The following LARP4B variants were observed in gnomAD, a reference collection of about 807,000 sequenced individuals.
LARP4B encodes the protein La ribonucleoprotein 4B, also known as la-related protein 4B.
LARP4B carries 12 observed loss-of-function variants against 89.8 expected under a neutral mutation model. That is an observed-to-expected ratio of 0.13 (90% CI 0.09 to 0.22). The LOEUF (loss-of-function observed/expected upper bound fraction) is 0.22. Among genes scored for constraint, LARP4B ranks in the 10% least tolerant of loss-of-function variants. LARP4B has a pLI of 1.00. For synonymous variants in LARP4B, 367 were observed against 363.3 expected (o/e 1.01, Z -0.12); for missense variants, 757 against 947.7 (o/e 0.80, Z 2.64).
intron 5 of LARP4B, among the ~76,000 whole-genome samples, chr10:862,708 C>T (rs1382937841): frequency 2.6e-5 from 4 of 151,696 alleles, no homozygotes; most frequent in Admixed American, 6.6e-5. Context: ...TGCAGTGAGC[C>T]GATGTCTCAC....
the LARP4B span, among the ~76,000 whole-genome samples, chr10:980,575 T>A: frequency 2.6e-5 from 4 of 152,146 alleles, no homozygotes; most frequent in Non-Finnish European, 4.4e-5. Flanking sequence ...ACGGTTATGT[T>A]CTCCAAAGTG....
At chr10:928,074 TAGCC>T (rs1318652951) in intron 1 of LARP4B, among the ~76,000 whole-genome samples, 1 of 150,418 alleles carries the variant, frequency 6.6e-6, no homozygotes, top group Non-Finnish European at 1.5e-5. Flanking sequence ...AAAAAAAAAT[TAGCC>T]AGGTGTGGTG....
chr10:834,676 C>T (rs1833099602), intron 8 of LARP4B, among the ~76,000 whole-genome samples: 1 of 152,100 alleles, frequency 6.6e-6, no homozygotes, highest in South Asian at 2.1e-4. Context: ...TCAAGTTTTA[C>T]AAAAGACATA....
the LARP4B span, among the ~76,000 whole-genome samples, chr10:938,252 C>CTTT: frequency 8.1e-6 from 1 of 123,450 alleles, no homozygotes; most frequent in Non-Finnish European, 1.7e-5. Flanking sequence ...GGTTCTTTTT[C>CTTT]TTTTTTTTTT....
intron 5 of LARP4B, among the ~76,000 whole-genome samples, chr10:862,916 CA>C (rs1344456238): frequency 1.3e-5 from 2 of 151,788 alleles, no homozygotes; most frequent in Non-Finnish European, 2.9e-5. Flanking sequence ...TACATGAGAA[CA>C]ACAGAGATTC....
At chr10:983,529 T>A in the LARP4B span, among the ~76,000 whole-genome samples, 1 of 152,192 alleles carries the variant, frequency 6.6e-6, no homozygotes, top group Non-Finnish European at 1.5e-5. Context: ...TCTTCCTGGC[T>A]TGTGGAAAGC....
chr10:940,012 A>ATT, the LARP4B span, among the ~76,000 whole-genome samples: 11 of 118,794 alleles, frequency 9.3e-5, no homozygotes, highest in Non-Finnish European at 1.4e-4. Context: ...CGCCCGGCTA[A>ATT]TTTTTTTTTT....
At chr10:919,446 C>G (rs1219511158) in intron 1 of LARP4B, among the ~76,000 whole-genome samples, 2 of 151,642 alleles carry the variant, frequency 1.3e-5, no homozygotes, top group African/African-American at 2.4e-5. Flanking sequence ...AAACTGTCAC[C>G]AAGACTCAGT....
chr10:831,727 G>T (rs555970320), intron 8 of LARP4B, among the ~76,000 whole-genome samples: 6 of 152,326 alleles, frequency 3.9e-5, no homozygotes, highest in African/African-American at 1.4e-4. Flanking sequence ...TAGAGAAAAG[G>T]CTGCTCTGAT....
At chr10:973,334 C>T in the LARP4B span, among the ~76,000 whole-genome samples, 4 of 151,854 alleles carry the variant, frequency 2.6e-5, no homozygotes, top group East Asian at 1.9e-4. Flanking sequence ...CTTAAAAATC[C>T]GAACGTGATC....
rs143425333 is a variant in LARP4B at position 894,021 on chromosome 10, G to A, written c.-39-8261C>T. ...GCAAGAACCACAGTCAATGGGGAGT[G>A]AATGACAGGATCGGAAAAATCAAAA... On this transcript the variant is annotated intron_variant, in intron 1 of 17. Coordinates refer to ENST00000316157, the MANE Select transcript of LARP4B (RefSeq NM_015155.3). Among the ~76,000 whole-genome samples, 168 of 152,288 alleles carry A rather than the reference G, an allele frequency of 1.1e-3. 3 individuals are homozygous for A. The highest frequency in any genetic ancestry group is 3.9e-3 in the African/African-American group (162 of 41,556).
chr10:880,953 T>A (rs1835645262), intron 3 of LARP4B, among the ~76,000 whole-genome samples: 1 of 152,208 alleles, frequency 6.6e-6, no homozygotes, highest in African/African-American at 2.4e-5. Flanking sequence ...AGAGGATCAT[T>A]TCAACAGAAA....
At chr10:909,336 G>A (rs1588982258) in intron 1 of LARP4B, among the ~76,000 whole-genome samples, 1 of 149,444 alleles carries the variant, frequency 6.7e-6, no homozygotes, top group South Asian at 2.1e-4. Flanking sequence ...TGCTCAGAGA[G>A]TCAATGTCAC....
the LARP4B span, among the ~76,000 whole-genome samples, chr10:952,087 CCAG>C: frequency 6.6e-6 from 1 of 151,616 alleles, no homozygotes; most frequent in Non-Finnish European, 1.5e-5. Flanking sequence ...GCCTATAATC[CCAG>C]CACTTTGGGA....
chr10:841,930 T>C (rs973903626), intron 7 of LARP4B, among the ~76,000 whole-genome samples: 1 of 152,094 alleles, frequency 6.6e-6, no homozygotes, highest in Non-Finnish European at 1.5e-5. Context: ...TAAGTTCTCA[T>C]GTAAGATGCT....
chr10:913,156 G>A (rs1359642706), intron 1 of LARP4B, among the ~76,000 whole-genome samples: 1 of 152,152 alleles, frequency 6.6e-6, no homozygotes, highest in Non-Finnish European at 1.5e-5. Context: ...CTTTGGAAGT[G>A]AAAATTTAGG....
downstream of LARP4B, chr10:807,331 C>G (rs1831593499): frequency 6.6e-6 from 1 of 152,274 alleles, no homozygotes; most frequent in Non-Finnish European, 1.5e-5. Context: ...TATACACTCA[C>G]ATCCTATGTA....
In LARP4B at chr10:825,210, T is replaced by C; in HGVS notation, c.1339A>G (p.Asn447Asp). 6.2e-7 allele frequency: 1 copy of C among 1,614,194 alleles called. No homozygotes were observed. The highest frequency in any genetic ancestry group is 8.5e-7 in the Non-Finnish European group (1 of 1,180,034). The stretch of plus-strand genomic sequence containing the variant: ...CTTGTTTGTGGACTCCGGACACCAT[T>C]AATTAATCGATCTGCAGTGAAGTTA... ...IFNFTADRLINGVRSPQTRQA... is the reference protein window; with the variant it reads ...IFNFTADRLIDGVRSPQTRQA... The change falls in exon 13 of 18, where the codon AAT (asparagine) becomes GAT (aspartate). Residue 447 changes from asparagine (N) to aspartate (D), a missense_variant. Around this residue, in one of 5 missense-constraint regions of LARP4B, gnomAD observed 387 missense variants for 423.6 expected, o/e 0.91. Transcript: ENST00000316157.
the LARP4B span, among the ~76,000 whole-genome samples, chr10:981,135 G>A: frequency 2.0e-5 from 3 of 152,164 alleles, no homozygotes; most frequent in Non-Finnish European, 4.4e-5. Flanking sequence ...CTTTGCTAAG[G>A]CATAACAAGG....
Sources: allele counts gnomAD v4.1 joint callset (sites outside exome capture counted in the v4.1 genomes callset), GRCh38; gene constraint gnomAD v4.1.1; regional missense constraint gnomAD v4.1.1; transcripts MANE v1.5; gene names NCBI Gene and HGNC (gene_info 2026-07-23, HGNC 2026-07-21).